Variants in ATG4A observed in about 807,000 individuals in gnomAD.
ATG4A encodes the protein cysteine protease ATG4A.
A neutral mutation model predicts 38.4 loss-of-function variants in ATG4A; 22 were observed. The observed-to-expected ratio is 0.57, with a 90% CI of 0.41 to 0.82. ATG4A has a LOEUF of 0.82. Ranked by LOEUF, ATG4A falls within the 40% of genes least tolerant of loss-of-function variation. The pLI, the probability that ATG4A is intolerant of heterozygous loss-of-function variation, is 0.00. For missense variants in ATG4A, 220 were observed against 290.0 expected (o/e 0.76, Z 1.75); for synonymous variants, 86 against 100.7 (o/e 0.85, Z 0.88).
At chrX:108,142,707 G>A (rs1198557066) in intron 9 of ATG4A, among the ~76,000 whole-genome samples, 1 of 110,664 alleles carries the variant, frequency 9.0e-6, no homozygotes, top group Non-Finnish European at 1.9e-5. Flanking sequence ...GGGAGGCTAG[G>A]CCCATCTCTC....
chrX:108,100,301 G>A (rs1360766392), intron 1 of ATG4A, among the ~76,000 whole-genome samples: 1 of 111,565 alleles, frequency 9.0e-6, no homozygotes, highest in African/African-American at 3.3e-5. Flanking sequence ...TGATAGTTTT[G>A]CATATTGAAA....
intron 6 of ATG4A, 142 bp from the exon 7 acceptor site, chrX:108,136,949 A>G: frequency 2.6e-6 from 1 of 380,795 alleles, no homozygotes; most frequent in East Asian, 5.5e-5. Flanking sequence ...AGCTCTGGCA[A>G]AGAAGCCAGA....
At chrX:108,139,117 G>C (rs1307223831) in intron 9 of ATG4A, among the ~76,000 whole-genome samples, 1 of 111,118 alleles carries the variant, frequency 9.0e-6, no homozygotes, top group Non-Finnish European at 1.9e-5. Flanking sequence ...CAAGGGAATG[G>C]CATGAGGGCA....
chrX:108,140,937 CAT>C (rs200209631), intron 9 of ATG4A, among the ~76,000 whole-genome samples: 35,144 of 89,760 alleles, frequency 0.39, 6,178 homozygotes, highest in Non-Finnish European at 0.46. Context: ...CATATATATA[CAT>C]ATATATACAC....
intron 3 of ATG4A, among the ~76,000 whole-genome samples, chrX:108,131,058 A>G (rs1045768708): frequency 3.6e-5 from 4 of 112,461 alleles, no homozygotes; most frequent in Admixed American, 1.9e-4. Context: ...GTTTGGCCAT[A>G]GAACCTGTTT....
intron 1 of ATG4A, among the ~76,000 whole-genome samples, chrX:108,103,549 G>C (rs571909531): frequency 1.8e-5 from 2 of 111,263 alleles, no homozygotes; most frequent in Admixed American, 9.5e-5. Context: ...TAGCTTTTTT[G>C]TCCTTCCTTT....
chrX:108,147,131 A>G (rs2033444261), intron 9 of ATG4A, among the ~76,000 whole-genome samples: 1 of 111,611 alleles, frequency 9.0e-6, no homozygotes, highest in Non-Finnish European at 1.9e-5. Flanking sequence ...TCTGGAAGCA[A>G]ACAGGGGTGT....
At position 108,141,017 on chromosome X, in the gene ATG4A, TAC is replaced by T. The variant is rs1569311508; in HGVS notation, c.814+2830_814+2831del. On this transcript the variant is annotated intron_variant, in intron 9 of 12. Transcript: ENST00000372232. ...ATATATACATATATATACGTATATATACACATATATATACATATATACATATA... is the reference window on the plus strand; with the variant it reads ...ATATATACATATATATACGTATATATACATATATATACATATATACATATA... Among the ~76,000 whole-genome samples, 10 of 85,750 alleles carry T rather than the reference TAC, an allele frequency of 1.2e-4. 1 individual carries two copies. The highest frequency in any genetic ancestry group is 4.3e-4 in the African/African-American group (9 of 21,095). The allele number at this position is 85,750 out of a possible 115,157, so 74.5% of individuals were successfully genotyped here.
chrX:108,152,359 G>A (rs965719950), intron 11 of ATG4A, among the ~76,000 whole-genome samples: 1 of 110,580 alleles, frequency 9.0e-6, no homozygotes, highest in African/African-American at 3.3e-5. Context: ...TCAGCCTCCC[G>A]AGTAGCTGGG....
At chrX:108,119,810 A>C (rs1264870060) in intron 1 of ATG4A, among the ~76,000 whole-genome samples, 1 of 112,143 alleles carries the variant, frequency 8.9e-6, no homozygotes, top group Non-Finnish European at 1.9e-5. Flanking sequence ...TATTAAAGAA[A>C]AATAAGTCGA....
rs750375458 is a variant in ATG4A at position 108,112,754 on chromosome X, T to A, written c.11-13323T>A. On this transcript the variant is annotated intron_variant, in intron 1 of 12. Coordinates refer to ENST00000372232, the MANE Select transcript of ATG4A (RefSeq NM_052936.5). ...AATTTGTTTTGTGTAAGGATCATTA[T>A]TGTGACTGTTACTTGTTGTATTATC... is the stretch of plus-strand genomic sequence containing the variant. Among the ~76,000 whole-genome samples the A allele has an allele frequency of 1.2e-4, 13 of 111,472 alleles. No homozygotes were observed. The East Asian group carries it at 3.7e-3, about 31-fold the overall frequency.
intron 1 of ATG4A, among the ~76,000 whole-genome samples, chrX:108,113,168 A>T (rs1672415244): frequency 8.9e-6 from 1 of 111,874 alleles, no homozygotes; most frequent in South Asian, 3.7e-4. Context: ...ATCTACAGAA[A>T]CAAAAACTAC....
intron 1 of ATG4A, among the ~76,000 whole-genome samples, chrX:108,099,000 G>A (rs1396397189): frequency 9.0e-6 from 1 of 111,305 alleles, no homozygotes; most frequent in Non-Finnish European, 1.9e-5. Flanking sequence ...TGAGATAAAT[G>A]CCCAGGAGAG....
chrX:108,151,562 A>G (rs1458805509), intron 10 of ATG4A, among the ~76,000 whole-genome samples: 1 of 112,236 alleles, frequency 8.9e-6, no homozygotes, highest in African/African-American at 3.2e-5. Context: ...ATCTCGCAGC[A>G]TGAGGAAAGA....
intron 9 of ATG4A, among the ~76,000 whole-genome samples, chrX:108,141,824 A>T (rs1422176591): frequency 9.0e-6 from 1 of 111,314 alleles, no homozygotes; most frequent in Admixed American, 9.5e-5. Context: ...ATCTTTTTTT[A>T]AAAAATTTTG....
intron 9 of ATG4A, among the ~76,000 whole-genome samples, chrX:108,141,079 T>C (rs1450788744): frequency 2.2e-4 from 15 of 67,791 alleles, no homozygotes; most frequent in African/African-American, 5.8e-4. Context: ...TACATATATA[T>C]ATATATATAT....
chrX:108,134,100 A>G lies in ATG4A; in HGVS notation c.336A>G (p.Gln112=). 8.3e-7 allele frequency: 1 copy of G among 1,207,466 alleles called. No individual in the cohort carries two copies. The highest frequency in any genetic ancestry group is 2.3e-4 in the Middle Eastern group (1 of 4,339). Residue 112 remains glutamine (Q), a synonymous_variant, in exon 5 of 13, where the codon CAA becomes CAG. Coordinates refer to ENST00000372232, the MANE Select transcript of ATG4A (RefSeq NM_052936.5). ...AAAAAGAACAACCCAAAGAATACCA[A>G]CGCATCCTACAGTGCTTCTTAGATA... ...EKQKEQPKEY[Q]RILQCFLDRK...
At chrX:108,110,730 C>G (rs1443983446) in intron 1 of ATG4A, among the ~76,000 whole-genome samples, 1 of 112,100 alleles carries the variant, frequency 8.9e-6, no homozygotes, top group Non-Finnish European at 1.9e-5. Context: ...ATTTAGAATG[C>G]ATTTTTTCTA....
At chrX:108,141,075 TATA>T (rs2148017715) in intron 9 of ATG4A, among the ~76,000 whole-genome samples, 1 of 26,345 alleles carries the variant, frequency 3.8e-5, no homozygotes, top group South Asian at 2.1e-3. Flanking sequence ...TATATACATA[TATA>T]TATATATATA....
Sources: allele counts gnomAD v4.1 joint callset (sites outside exome capture counted in the v4.1 genomes callset), GRCh38; gene constraint gnomAD v4.1.1; transcripts MANE v1.5; gene names NCBI Gene and HGNC (gene_info 2026-07-23, HGNC 2026-07-21).